TRMT9B: variants seen among roughly 807,000 people sequenced by gnomAD.
TRMT9B encodes the protein probable tRNA methyltransferase 9B.
In TRMT9B, 16 loss-of-function variants were observed where a neutral mutation model predicts 11.5. The ratio of observed to expected loss-of-function variants is 1.39; its 90% CI spans 0.94 to 2.11. The LOEUF is 2.11. Among genes scored for constraint, TRMT9B ranks in the 30% most tolerant of loss-of-function variants. The pLI is 0.00. For missense variants in TRMT9B, 941 were observed against 553.8 expected, an observed-to-expected ratio of 1.70 and a Z score of -7.02; for synonymous variants, 274 against 192.4, an observed-to-expected ratio of 1.42 and a Z score of -3.51.
intron 2 of TRMT9B, among the ~76,000 whole-genome samples, chr8:12,991,351 A>C (rs1519150): frequency 1.3e-5 from 2 of 151,978 alleles, no homozygotes. Flanking sequence ...TGATATATAG[A>C]TGTTAAGTGT....
rs988528571 is a variant in TRMT9B, at chr8:13,027,205, C to T, written c.*5161C>T. On this transcript the variant is annotated 3_prime_UTR_variant, in exon 5 of 5. Coordinates refer to ENST00000524591, the MANE Select transcript of TRMT9B (RefSeq NM_020844.3). Reference sequence around the variant, plus strand: ...GGATACATATGATACAAGGTAATGACTATCTGGCATCTTGAAGGTACCCAG... The same window carrying T: ...GGATACATATGATACAAGGTAATGATTATCTGGCATCTTGAAGGTACCCAG... 6.0e-6 allele frequency: 1 copy of T among 167,062 alleles called. No individual in the cohort carries two copies. The highest frequency in any genetic ancestry group is 1.5e-5 in the Non-Finnish European group (1 of 68,116). The allele number at this position is 167,062 out of a possible 1,614,324, so 10.3% of individuals were successfully genotyped here.
At position 13,003,615 on chromosome 8, in the gene TRMT9B, G is replaced by C. The variant is rs536381814; in HGVS notation, c.-1-2587G>C. 3.3e-5 allele frequency among the ~76,000 whole-genome samples: 5 copies of C among 152,044 alleles called. No individual in the cohort carries two copies. The South Asian group carries it at 1.0e-3, about 32-fold the overall frequency. On this transcript the variant is annotated intron_variant, in intron 2 of 4. Transcript: ENST00000524591. Reference sequence around the variant, plus strand: ...TGAGAAATAACCCTTAAGAGGTCTGGTGAGGCCAGATCGGAAAGAGCCTTA... The same window carrying C: ...TGAGAAATAACCCTTAAGAGGTCTGCTGAGGCCAGATCGGAAAGAGCCTTA...
At chr8:12,999,421 C>T (rs1563394375) in intron 2 of TRMT9B, among the ~76,000 whole-genome samples, 1 of 151,662 alleles carries the variant, frequency 6.6e-6, no homozygotes, top group Non-Finnish European at 1.5e-5. Context: ...GATGGTTTCA[C>T]ACATACATAC....
At chr8:12,996,892 C>G (rs976397017) in intron 2 of TRMT9B, among the ~76,000 whole-genome samples, 2 of 152,024 alleles carry the variant, frequency 1.3e-5, no homozygotes, top group Admixed American at 6.5e-5. Flanking sequence ...AGCCTCTATC[C>G]CACTTCTAAT....
intron 1 of TRMT9B, among the ~76,000 whole-genome samples, chr8:12,989,185 C>G (rs984041955): frequency 6.6e-6 from 1 of 152,052 alleles, no homozygotes; most frequent in Non-Finnish European, 1.5e-5. Context: ...GTTTAAGGTA[C>G]AGACCTTGCC....
At chr8:13,020,421 A>G (rs765957263) in intron 4 of TRMT9B, among the ~76,000 whole-genome samples, 56 of 152,336 alleles carry the variant, frequency 3.7e-4, no homozygotes, top group Middle Eastern at 3.4e-3. Flanking sequence ...GATGATGTAT[A>G]CATTGATTTT....
chr8:12,994,465 C>T (rs1188375684), intron 2 of TRMT9B, among the ~76,000 whole-genome samples: 1 of 152,172 alleles, frequency 6.6e-6, no homozygotes, highest in Non-Finnish European at 1.5e-5. Flanking sequence ...TCTCCCTTTC[C>T]TTTCTTCCCT....
In TRMT9B at chr8:12,993,080, G is replaced by A. The variant is rs1036499933; in HGVS notation, c.-2+2049G>A. Among the ~76,000 whole-genome samples the A allele has an allele frequency of 2.6e-5, 4 of 152,052 alleles. No individual in the cohort carries two copies. The East Asian group carries it at 7.7e-4, about 29-fold the overall frequency. On this transcript the variant is annotated intron_variant, in intron 2 of 4. Transcript: ENST00000524591. ...ATAAGGTCCTGAGCAAGTCCCTCTC[G>A]GGAAAAAGTGAGTAGATTTGTGTGG...
intron 1 of TRMT9B, among the ~76,000 whole-genome samples, chr8:12,946,486 T>G (rs536953486): frequency 6.6e-6 from 1 of 151,910 alleles, no homozygotes; most frequent in African/African-American, 2.4e-5. Context: ...AGGACGGAGA[T>G]TGTAGAAGAA....
intron 3 of TRMT9B, among the ~76,000 whole-genome samples, chr8:13,007,975 A>G (rs1810810652): frequency 6.6e-6 from 1 of 152,236 alleles, no homozygotes; most frequent in African/African-American, 2.4e-5. Flanking sequence ...GTTGATTGCC[A>G]TTATTCACAG....
At chr8:13,004,759 G>A (rs1477517375) in intron 2 of TRMT9B, among the ~76,000 whole-genome samples, 2 of 152,092 alleles carry the variant, frequency 1.3e-5, no homozygotes, top group African/African-American at 4.8e-5. Flanking sequence ...TGGCTATGGG[G>A]CAACACTCCT....
chr8:13,010,495 A>C, intron 3 of TRMT9B: 2 of 984,226 alleles, frequency 2.0e-6, no homozygotes, highest in Non-Finnish European at 2.4e-6. Context: ...GTTTGGATTA[A>C]AAAATATTTA....
intron 1 of TRMT9B, among the ~76,000 whole-genome samples, chr8:12,964,714 A>G (rs1281879379): frequency 1.3e-5 from 2 of 151,894 alleles, no homozygotes; most frequent in Non-Finnish European, 2.9e-5. Context: ...AACTTGGACT[A>G]TAAGCATGCC....
intron 2 of TRMT9B, among the ~76,000 whole-genome samples, chr8:13,002,707 TG>T (rs372349273): frequency 1.9e-4 from 29 of 152,272 alleles, no homozygotes; most frequent in African/African-American, 7.0e-4. Flanking sequence ...TAGTAATAAT[TG>T]GGGCAAGAAT....
Position 13,029,534 on chromosome 8 carries a change from G to A in TRMT9B, c.*7490G>A, listed in dbSNP as rs1015871218. 6.0e-6 allele frequency: 1 copy of A among 166,708 alleles called. No homozygotes were observed. Among genetic ancestry groups the A allele is most frequent in the Admixed American group, 6.6e-5 (1 of 15,266 alleles). The allele number at this position is 166,708 out of a possible 1,614,324, so 10.3% of individuals were successfully genotyped here. A position where few individuals can be genotyped will look rare whatever the true frequency, so the allele number is the denominator to read the frequency against. On this transcript the variant is annotated 3_prime_UTR_variant, in exon 5 of 5. Coordinates refer to ENST00000524591, the MANE Select transcript of TRMT9B (RefSeq NM_020844.3). ...AGTGTATTTTTAAAAAGTGTTCCCA[G>A]GTGAACAAAAGTTTGCTTTTCTTCA...
chr8:12,946,002 G>A (rs902980189), intron 1 of TRMT9B, 36 bp downstream of exon 1: 3 of 152,122 alleles, frequency 2.0e-5, no homozygotes, highest in Non-Finnish European at 4.4e-5. Context: ...CATTTTAGTT[G>A]TGATATTTGT....
intron 3 of TRMT9B, 194 bp downstream of exon 3, chr8:13,006,550 T>G (rs1483256563): frequency 1.4e-6 from 2 of 1,429,388 alleles, no homozygotes; most frequent in Non-Finnish European, 1.8e-6. Flanking sequence ...TTCATTTTTG[T>G]TCTAATAGGA....
At chr8:12,967,010 C>G (rs142999293) in intron 1 of TRMT9B, among the ~76,000 whole-genome samples, 1 of 152,086 alleles carries the variant, frequency 6.6e-6, no homozygotes, top group African/African-American at 2.4e-5. Context: ...TTACAGACAC[C>G]GACGGTGAAT....
At chr8:12,953,150 G>A (rs975709990) in intron 1 of TRMT9B, among the ~76,000 whole-genome samples, 13 of 152,104 alleles carry the variant, frequency 8.5e-5, no homozygotes, top group African/African-American at 2.9e-4. Context: ...TATGTTAGGT[G>A]GTAGGCATGA....
Sources: allele counts gnomAD v4.1 joint callset (sites outside exome capture counted in the v4.1 genomes callset), GRCh38; gene constraint gnomAD v4.1.1; transcripts MANE v1.5; gene names NCBI Gene and HGNC (gene_info 2026-07-23, HGNC 2026-07-21).